N4BP2L2: variants seen among roughly 807,000 people sequenced by gnomAD.
N4BP2L2 encodes the protein NEDD4-binding protein 2-like 2.
Under a neutral mutation model 56.2 loss-of-function variants are expected in N4BP2L2, and 50 were observed. The ratio of observed to expected loss-of-function variants is 0.89; its 90% CI spans 0.71 to 1.13. The LOEUF (loss-of-function observed/expected upper bound fraction) is 1.13. Ranked by LOEUF, N4BP2L2 falls within the 50% of genes most tolerant of loss-of-function variation. The pLI is 0.00. For missense variants in N4BP2L2, 689 were observed against 693.8 expected (o/e 0.99, Z 0.08); for synonymous variants, 203 against 223.6 (o/e 0.91, Z 0.82).
At chr13:32,519,949 T>C (rs2050328802) in intron 5 of N4BP2L2, among the ~76,000 whole-genome samples, 1 of 152,180 alleles carries the variant, frequency 6.6e-6, no homozygotes, top group Non-Finnish European at 1.5e-5. Context: ...ATTACTCAAA[T>C]ATTTTTAATT....
At chr13:32,442,409 C>T in exon 7 of N4BP2L2, 1 of 1,595,244 alleles carries the variant, frequency 6.3e-7, no homozygotes, top group Admixed American at 1.8e-5. Context: ...CCTGGAGATC[C>T]AAAAAGCTTT....
chr13:32,438,455 C>T (rs1244873737), intron 8 of N4BP2L2, among the ~76,000 whole-genome samples: 1 of 152,064 alleles, frequency 6.6e-6, no homozygotes, highest in Admixed American at 6.6e-5. Context: ...CTCCACTGGC[C>T]AGGTGTGGTG....
At chr13:32,538,659 A>G (rs1406930295) in exon 1 of N4BP2L2, 1 of 985,320 alleles carries the variant, frequency 1.0e-6, no homozygotes. Context: ...TCCCAATAAA[A>G]CCTTCTTTTA....
chr13:32,440,302 C>A (rs1430525451), intron 7 of N4BP2L2, among the ~76,000 whole-genome samples: 1 of 152,026 alleles, frequency 6.6e-6, no homozygotes, highest in Non-Finnish European at 1.5e-5. Context: ...AGGTATAGAA[C>A]AACAGAAGAT....
At chr13:32,474,284 A>G (rs1005518477) in intron 6 of N4BP2L2, among the ~76,000 whole-genome samples, 4 of 151,822 alleles carry the variant, frequency 2.6e-5, no homozygotes. Context: ...TTACCATTAT[A>G]TTATATATAT....
chr13:32,506,846 T>C (rs1335906852), downstream of N4BP2L2: 2 of 152,170 alleles, frequency 1.3e-5, no homozygotes, highest in Non-Finnish European at 2.9e-5. Flanking sequence ...ATCTTAAATA[T>C]CACATTATGA....
intron 7 of N4BP2L2, among the ~76,000 whole-genome samples, chr13:32,440,530 G>A (rs552581041): frequency 1.2e-4 from 18 of 152,066 alleles, no homozygotes; most frequent in East Asian, 1.9e-4. Flanking sequence ...GCAGTGGCGC[G>A]ATCTCAGTTC....
At chr13:32,532,996 A>G (rs1594109983) in intron 2 of N4BP2L2, among the ~76,000 whole-genome samples, 2 of 151,816 alleles carry the variant, frequency 1.3e-5, no homozygotes, top group African/African-American at 4.8e-5. Context: ...AAGTGCTGGG[A>G]TTACAGGTGT....
chr13:32,461,461 G>C (rs1431802627), intron 6 of N4BP2L2, among the ~76,000 whole-genome samples: 1 of 152,048 alleles, frequency 6.6e-6, no homozygotes, highest in Non-Finnish European at 1.5e-5. Flanking sequence ...TTAAAAAGTG[G>C]GCAAAGGATC....
chr13:32,519,306 T>C (rs1329502268), intron 5 of N4BP2L2, among the ~76,000 whole-genome samples: 2 of 151,220 alleles, frequency 1.3e-5, no homozygotes, highest in African/African-American at 2.4e-5. Flanking sequence ...TCCCAGTTAC[T>C]CCCAAGGTGG....
chr13:32,443,623 A>G (rs757297105), exon 7 of N4BP2L2: 2 of 1,611,908 alleles, frequency 1.2e-6, no homozygotes. Flanking sequence ...GTCTAATGCT[A>G]TGGTATGCCT....
intron 6 of N4BP2L2, among the ~76,000 whole-genome samples, chr13:32,449,509 GAATA>G (rs970286225): frequency 3.9e-5 from 6 of 152,172 alleles, no homozygotes; most frequent in Admixed American, 6.5e-5. Flanking sequence ...AAAAATTGCT[GAATA>G]AATACATATA....
chr13:32,492,273 ATTTT>A (rs72053635), intron 6 of N4BP2L2, among the ~76,000 whole-genome samples: 95 of 72,140 alleles, frequency 1.3e-3, no homozygotes, highest in African/African-American at 4.6e-3. Context: ...AAACACCAAA[ATTTT>A]TTTTTTTTTT....
chr13:32,521,756 G>T, intron 4 of N4BP2L2: 1 of 279,854 alleles, frequency 3.6e-6, no homozygotes, highest in Non-Finnish European at 6.6e-6. Context: ...ACGGCAGATG[G>T]GCTGAGCTCA....
intron 8 of N4BP2L2, among the ~76,000 whole-genome samples, chr13:32,437,007 A>C (rs1010092108): frequency 6.6e-6 from 1 of 151,766 alleles, no homozygotes; most frequent in African/African-American, 2.4e-5. Context: ...CAGCCTCCCA[A>C]GTAGCTGTGA....
intron 6 of N4BP2L2, among the ~76,000 whole-genome samples, chr13:32,458,591 A>C (rs2079412165): frequency 6.6e-6 from 1 of 152,202 alleles, no homozygotes; most frequent in African/African-American, 2.4e-5. Context: ...GGATATAATA[A>C]TACTAAATAT....
At chr13:32,436,912 G>C (rs1002378933) in intron 8 of N4BP2L2, among the ~76,000 whole-genome samples, 1 of 143,824 alleles carries the variant, frequency 7.0e-6, no homozygotes, top group African/African-American at 2.6e-5. Flanking sequence ...ACAGAGTTTT[G>C]CTCTGTCGCC....
intron 6 of N4BP2L2, among the ~76,000 whole-genome samples, chr13:32,465,937 C>A (rs1231618869): frequency 6.6e-6 from 1 of 152,182 alleles, no homozygotes; most frequent in Non-Finnish European, 1.5e-5. Context: ...TAGGCGTGAG[C>A]CACCACGCCT....
chr13:32,513,284 T>C (rs899126357), exon 6 of N4BP2L2: 1 of 152,180 alleles, frequency 6.6e-6, no homozygotes, highest in East Asian at 1.9e-4. Context: ...TTAAATCAAC[T>C]AAATTGAATC....
Sources: allele counts gnomAD v4.1 joint callset (sites outside exome capture counted in the v4.1 genomes callset), GRCh38; gene constraint gnomAD v4.1.1; transcripts MANE v1.5; gene names NCBI Gene and HGNC (gene_info 2026-07-23, HGNC 2026-07-21).